RIMBP2: variants seen among roughly 807,000 people sequenced by gnomAD.
RIMBP2 encodes the protein RIMS binding protein 2, also known as RIMS-binding protein 2.
Under a neutral mutation model 118.6 loss-of-function variants are expected in RIMBP2, and 48 were observed. The observed-to-expected ratio is 0.40, with a 90% CI of 0.32 to 0.51. The LOEUF (loss-of-function observed/expected upper bound fraction) is 0.51. Among genes scored for constraint, RIMBP2 ranks in the 20% least tolerant of loss-of-function variants. RIMBP2 has a pLI of 0.41. For missense variants in RIMBP2, 1,551 were observed against 1,768.3 expected (o/e 0.88, Z 2.20); for synonymous variants, 762 against 742.9 (o/e 1.03, Z -0.42).
intron 1 of RIMBP2, among the ~76,000 whole-genome samples, chr12:130,674,672 G>T (rs2064360476): frequency 6.6e-6 from 1 of 152,146 alleles, no homozygotes; most frequent in African/African-American, 2.4e-5. Flanking sequence ...GCATGGAGTG[G>T]CTTCACAATG....
At chr12:130,400,958 TG>T (rs1211537487) in intron 21 of RIMBP2, among the ~76,000 whole-genome samples, 2 of 152,128 alleles carry the variant, frequency 1.3e-5, no homozygotes, top group Non-Finnish European at 2.9e-5. Context: ...CGAATACTCG[TG>T]CACTTTTGGT....
intron 2 of RIMBP2, among the ~76,000 whole-genome samples, chr12:130,553,990 A>G (rs1286005636): frequency 3.9e-5 from 6 of 152,212 alleles, no homozygotes; most frequent in African/African-American, 1.4e-4. Context: ...AGAAATACAT[A>G]TTTATTCCTA....
At chr12:130,706,306 C>T (rs1170469760) in intron 1 of RIMBP2, among the ~76,000 whole-genome samples, 1 of 152,258 alleles carries the variant, frequency 6.6e-6, no homozygotes, top group South Asian at 2.1e-4. Flanking sequence ...CCTTCAATAA[C>T]AATCCGTCGA....
At position 130,450,128 on chromosome 12, in the gene RIMBP2, A is replaced by G; in HGVS notation, c.581+72T>C. 2 of 963,318 alleles carry G rather than the reference A, an allele frequency of 2.1e-6. No individual in the cohort carries two copies. Among genetic ancestry groups the G allele is most frequent in the East Asian group, 2.6e-5 (1 of 38,034 alleles). 59.7% of individuals were successfully genotyped at this position (963,318 alleles called of 1,614,324 possible). ...GAGAAGGGAACTTCTCAGACCCCAG[A>G]GTGTTCCCAGACCCAACATCTCATC... On this transcript the variant is annotated intron_variant, in intron 9 of 22. Coordinates refer to ENST00000690449, the MANE Select transcript of RIMBP2 (RefSeq NM_001393629.1). This position sits in a 1 kb window ranked among gnomAD's most constrained non-coding sequence, Gnocchi z 4.8.
At chr12:130,572,348 G>T (rs1388012518) in intron 2 of RIMBP2, among the ~76,000 whole-genome samples, 3 of 152,054 alleles carry the variant, frequency 2.0e-5, no homozygotes, top group Admixed American at 1.3e-4. Context: ...CCCAAACATG[G>T]AATCACCCCC....
At chr12:130,646,361 A>AAAAGGGATTGTTT (rs2062953854) in intron 1 of RIMBP2, among the ~76,000 whole-genome samples, 1 of 126,398 alleles carries the variant, frequency 7.9e-6, no homozygotes, top group Admixed American at 7.9e-5. Context: ...CTCCCTCACC[A>AAAAGGGATTGTTT]CCTCCCTCAC....
At chr12:130,453,782 G>A (rs573466807) in intron 7 of RIMBP2, among the ~76,000 whole-genome samples, 4 of 152,330 alleles carry the variant, frequency 2.6e-5, no homozygotes, top group South Asian at 4.1e-4. Flanking sequence ...AGGCCAAGGC[G>A]GTGGCTCACA....
At position 130,396,621 on chromosome 12, in the gene RIMBP2, C is replaced by T. The variant is rs1362066262; in HGVS notation, c.*740G>A. On this transcript the variant is annotated 3_prime_UTR_variant, in exon 23 of 23. Coordinates refer to ENST00000690449, the MANE Select transcript of RIMBP2 (RefSeq NM_001393629.1). ...GAAAGTAACAGAAAACCATATGCCA[C>T]AGAATAGAACATTAAAAGCAATGAA... The T allele has an allele frequency of 2.6e-5, 4 of 152,736 alleles. No individual in the cohort carries two copies. In the East Asian group the frequency reaches 7.7e-4, roughly 29 times the overall value. 9.5% of individuals were successfully genotyped at this position (152,736 alleles called of 1,614,324 possible). A position where few individuals can be genotyped will look rare whatever the true frequency, so the allele number is the denominator to read the frequency against.
At chr12:130,696,925 A>T (rs2065599574) in intron 1 of RIMBP2, among the ~76,000 whole-genome samples, 1 of 152,192 alleles carries the variant, frequency 6.6e-6, no homozygotes, top group Non-Finnish European at 1.5e-5. Context: ...ATGTTTTGAA[A>T]GCTACAAATC....
rs1566111035 is a variant in RIMBP2, at chr12:130,478,891, GC to G, written c.102+20del. 1 of 1,587,998 alleles carries G rather than the reference GC, an allele frequency of 6.3e-7. No homozygotes were observed. The highest frequency in any genetic ancestry group is 2.2e-5 in the East Asian group (1 of 44,628). On this transcript the variant is annotated intron_variant, in intron 5 of 22. Transcript: ENST00000690449. ...GTGGACTCCCTGCCTCGCACGCCGC[GC>G]CCGGCTGCCCGCCGCTTACCTTCTG... is the stretch of plus-strand genomic sequence containing the variant.
intron 2 of RIMBP2, among the ~76,000 whole-genome samples, chr12:130,564,219 C>T (rs2057043539): frequency 6.6e-6 from 1 of 151,372 alleles, no homozygotes; most frequent in Non-Finnish European, 1.5e-5. Context: ...CTAACTCCCC[C>T]ACCCTTCAGG....
At chr12:130,421,691 ATGTGTGTGTG>A (rs35161782) in intron 17 of RIMBP2, among the ~76,000 whole-genome samples, 2 of 147,188 alleles carry the variant, frequency 1.4e-5, no homozygotes, top group Admixed American at 6.8e-5. Flanking sequence ...CTGCATTTAT[ATGTGTGTGTG>A]TGTGTGTGTG....
chr12:130,571,940 C>T lies in RIMBP2; in HGVS notation c.-216-54023G>A, dbSNP rs371329539. ...CTAGAGCCCCCTCCACCCTGAGCAC[C>T]GTCCCTGGCTGCACTCAGATGGTCG... On this transcript the variant is annotated intron_variant, in intron 2 of 22. Transcript: ENST00000690449. 5.9e-5 allele frequency among the ~76,000 whole-genome samples: 9 copies of T among 152,334 alleles called. No individual in the cohort carries two copies. The South Asian group carries it at 1.0e-3, about 18-fold the overall frequency.
intron 2 of RIMBP2, among the ~76,000 whole-genome samples, chr12:130,611,702 C>T (rs2060565302): frequency 6.6e-6 from 1 of 152,152 alleles, no homozygotes. Flanking sequence ...CCCCGGCACA[C>T]ACATGCTGCG....
chr12:130,504,637 TCA>T (rs1353106497), intron 4 of RIMBP2, among the ~76,000 whole-genome samples: 1 of 151,986 alleles, frequency 6.6e-6, no homozygotes, highest in Non-Finnish European at 1.5e-5. Flanking sequence ...GAGGCTCATC[TCA>T]GACTTCTGAC....
chr12:130,559,490 G>C (rs754745112), intron 2 of RIMBP2, among the ~76,000 whole-genome samples: 1 of 152,160 alleles, frequency 6.6e-6, no homozygotes, highest in Non-Finnish European at 1.5e-5. Context: ...GCAGATGACA[G>C]GCTTTCCTTC....
intron 1 of RIMBP2, among the ~76,000 whole-genome samples, chr12:130,639,709 G>A (rs774414459): frequency 4.6e-5 from 7 of 152,170 alleles, no homozygotes; most frequent in South Asian, 2.1e-4. Flanking sequence ...TATACTCCCA[G>A]TCCCCGAATG....
At position 130,424,265 on chromosome 12, in the gene RIMBP2, G is replaced by C; in HGVS notation, c.3006C>G (p.Gly1002=). The change falls in exon 16 of 23, where the codon GGC becomes GGG. Residue 1002 remains glycine, a synonymous_variant. Coordinates refer to ENST00000690449, the MANE Select transcript of RIMBP2 (RefSeq NM_001393629.1). This position sits in a 1 kb window ranked among gnomAD's most constrained non-coding sequence, Gnocchi z 9.8. ...GPERPPPRKH[G]WGEPTEHQDF... is the part of the protein sequence containing the mutation. ...CTTGGTGCTCGGTGGGCTCGCCCCA[G>C]CCGTGCTTCCTGGGGGGCGGCCTCT... is the stretch of plus-strand genomic sequence containing the variant. 8.1e-7 allele frequency: 1 copy of C among 1,231,784 alleles called. No individual in the cohort carries two copies. Among genetic ancestry groups the C allele is most frequent in the Non-Finnish European group, 1.0e-6 (1 of 987,870 alleles). 76.3% of individuals were successfully genotyped at this position (1,231,784 alleles called of 1,614,324 possible).
In RIMBP2 at chr12:130,456,733, G is replaced by A. The variant is rs760636548; in HGVS notation, c.154-33C>T. 4 of 1,526,678 alleles carry A rather than the reference G, an allele frequency of 2.6e-6. No individual in the cohort carries two copies. The South Asian group carries it at 4.8e-5, about 18-fold the overall frequency. The allele number at this position is 1,526,678 out of a possible 1,614,324, so 94.6% of individuals were successfully genotyped here. On this transcript the variant is annotated intron_variant, in intron 6 of 22. Transcript: ENST00000690449. ...GCAGAAGCAGGACAGGGGGTCAGCG[G>A]TGGCATTTGGTGGTGGAAATGTGTG... is the stretch of plus-strand genomic sequence containing the variant.
Sources: allele counts gnomAD v4.1 joint callset (sites outside exome capture counted in the v4.1 genomes callset), GRCh38; gene constraint gnomAD v4.1.1; non-coding constraint Gnocchi (gnomAD v3.1); transcripts MANE v1.5; gene names NCBI Gene and HGNC (gene_info 2026-07-23, HGNC 2026-07-21).